Variants in WWOX observed in about 807,000 individuals in gnomAD.
The protein encoded by WWOX is WW domain-containing oxidoreductase.
A neutral mutation model predicts 46.2 loss-of-function variants in WWOX; 69 were observed. The observed-to-expected ratio is 1.49, with a 90% confidence interval of 1.23 to 1.82. WWOX has a LOEUF of 1.82. Among genes scored for constraint, WWOX ranks in the 40% most tolerant of loss-of-function variants. The probability of loss-of-function intolerance (pLI) is 0.00; values close to 1 mark genes in which losing one functional copy is unlikely to be tolerated. For synonymous variants in WWOX, 359 were observed against 202.6 expected (o/e 1.77, Z -6.56); for missense variants, 919 against 542.6 (o/e 1.69, Z -6.89).
chr16:78,425,809 G>T (rs1473956243), intron 7 of WWOX, among the ~76,000 whole-genome samples: 1 of 152,026 alleles, frequency 6.6e-6, no homozygotes, highest in Non-Finnish European at 1.5e-5. Flanking sequence ...GTGTTTGGCG[G>T]GGGGAACTTA....
chr16:78,317,982 C>G (rs2080389500), intron 5 of WWOX, among the ~76,000 whole-genome samples: 1 of 152,120 alleles, frequency 6.6e-6, no homozygotes, highest in Non-Finnish European at 1.5e-5. Context: ...TGACTTTTTC[C>G]TGATAGCTGC....
chr16:78,269,829 A>G (rs1299171722), intron 5 of WWOX, among the ~76,000 whole-genome samples: 7 of 151,492 alleles, frequency 4.6e-5, no homozygotes, highest in Non-Finnish European at 8.8e-5. Context: ...ACACACACAC[A>G]CAGTTTTCCA....
intron 8 of WWOX, among the ~76,000 whole-genome samples, chr16:78,444,189 C>G (rs1315089212): frequency 2.0e-5 from 3 of 152,150 alleles, no homozygotes; most frequent in Non-Finnish European, 4.4e-5. Flanking sequence ...CCGTGCCGGG[C>G]TCTGTGGTCA....
At chr16:78,144,614 C>G (rs2034136274) in intron 4 of WWOX, among the ~76,000 whole-genome samples, 1 of 146,608 alleles carries the variant, frequency 6.8e-6, no homozygotes, top group South Asian at 2.2e-4. Flanking sequence ...CTCTGCCTCC[C>G]AGGTTCAAGC....
chr16:78,164,084 A>G, intron 4 of WWOX, 99 bp from the exon 5 acceptor site: 3 of 1,115,414 alleles, frequency 2.7e-6, no homozygotes, highest in Admixed American at 2.0e-5. Flanking sequence ...CTGGTTGAGA[A>G]CTTGGGGTAA....
chr16:78,310,450 G>C (rs889040059), intron 5 of WWOX, among the ~76,000 whole-genome samples: 1 of 152,206 alleles, frequency 6.6e-6, no homozygotes, highest in African/African-American at 2.4e-5. Flanking sequence ...TTTGTTTTCA[G>C]CTCTGAGAGC....
At chr16:78,792,855 G>C (rs1003176794) in intron 8 of WWOX, among the ~76,000 whole-genome samples, 1 of 152,034 alleles carries the variant, frequency 6.6e-6, no homozygotes, top group African/African-American at 2.4e-5. Context: ...TGCTCACCCC[G>C]GGGATTTAGC....
intron 8 of WWOX, among the ~76,000 whole-genome samples, chr16:79,096,506 G>C (rs987645019): frequency 1.3e-5 from 2 of 152,124 alleles, no homozygotes; most frequent in African/African-American, 4.8e-5. Flanking sequence ...CCCTTCAACA[G>C]CTACAGGGCT....
At chr16:78,837,690 G>C (rs532040296) in intron 8 of WWOX, among the ~76,000 whole-genome samples, 1 of 152,266 alleles carries the variant, frequency 6.6e-6, no homozygotes, top group East Asian at 1.9e-4. Flanking sequence ...GGCTGACAAA[G>C]ATTGAGTGAT....
At chr16:78,647,827 A>T (rs2046879013) in intron 8 of WWOX, among the ~76,000 whole-genome samples, 1 of 152,246 alleles carries the variant, frequency 6.6e-6, no homozygotes, top group Non-Finnish European at 1.5e-5. Context: ...GGTTATGTCA[A>T]GTGGAATATT....
At chr16:78,331,014 G>A (rs2080743404) in intron 5 of WWOX, among the ~76,000 whole-genome samples, 1 of 152,106 alleles carries the variant, frequency 6.6e-6, no homozygotes. Flanking sequence ...GCTAAAGATT[G>A]GCGTTAAATT....
chr16:78,446,864 T>C (rs910302095), intron 8 of WWOX, among the ~76,000 whole-genome samples: 10 of 152,036 alleles, frequency 6.6e-5, no homozygotes, highest in Non-Finnish European at 1.5e-4. Flanking sequence ...TTTTGCCATG[T>C]TCACCAGGCT....
chr16:78,152,400 G>A (rs898830899), intron 4 of WWOX, among the ~76,000 whole-genome samples: 1 of 152,128 alleles, frequency 6.6e-6, no homozygotes, highest in African/African-American at 2.4e-5. Flanking sequence ...AAGTCTATTT[G>A]TAGGATAAAT....
At chr16:78,892,729 G>A (rs1466378208) in intron 8 of WWOX, among the ~76,000 whole-genome samples, 1 of 152,164 alleles carries the variant, frequency 6.6e-6, no homozygotes, top group African/African-American at 2.4e-5. Context: ...TATAGGAGCC[G>A]GTGTCCTGTT....
In WWOX at chr16:78,781,671, T is replaced by C. The variant is rs911844733; in HGVS notation, c.1056+348919T>C. Among the ~76,000 whole-genome samples the C allele has an allele frequency of 1.1e-4, 16 of 152,146 alleles. 1 individual carries two copies. Among genetic ancestry groups the C allele is most frequent in the Non-Finnish European group, 1.5e-5 (1 of 68,020 alleles). The stretch of plus-strand genomic sequence containing the variant: ...GCTTGGTGGCTCATGCCTCTAATCC[T>C]ACCTGAAGCAAGAGAATCGCCTGAA... On this transcript the variant is annotated intron_variant, in intron 8 of 8. Coordinates refer to ENST00000566780, the MANE Select transcript of WWOX (RefSeq NM_016373.4).
chr16:78,788,019 A>G (rs1220378321), intron 8 of WWOX, among the ~76,000 whole-genome samples: 1 of 152,142 alleles, frequency 6.6e-6, no homozygotes, highest in Non-Finnish European at 1.5e-5. Context: ...GAGTTGTAAA[A>G]GTTGTTTATA....
intron 8 of WWOX, among the ~76,000 whole-genome samples, chr16:78,621,191 G>T (rs2046171616): frequency 6.6e-6 from 1 of 152,124 alleles, no homozygotes; most frequent in Non-Finnish European, 1.5e-5. Flanking sequence ...CTGGGGATCT[G>T]CGAAACATTA....
intron 8 of WWOX, among the ~76,000 whole-genome samples, chr16:78,727,276 G>A (rs1373216897): frequency 3.9e-5 from 6 of 152,164 alleles, no homozygotes; most frequent in Non-Finnish European, 7.4e-5. Context: ...ACAAACGCAT[G>A]TAATCCCAGC....
intron 8 of WWOX, among the ~76,000 whole-genome samples, chr16:79,011,026 C>T (rs1597272861): frequency 6.6e-6 from 1 of 151,956 alleles, no homozygotes; most frequent in African/African-American, 2.4e-5. Flanking sequence ...TTTCTAACAT[C>T]TCACCATCTT....
Sources: gnomAD v4.1 joint callset for allele counts (sites outside exome capture counted in the v4.1 genomes callset) on GRCh38, gnomAD v4.1.1 for gene constraint, MANE v1.5 for transcripts, NCBI Gene and HGNC (gene_info 2026-07-23, HGNC 2026-07-21) for gene names.